SYNPO2: variants seen among roughly 807,000 people sequenced by gnomAD.
The protein encoded by SYNPO2 is synaptopodin 2, also known as synaptopodin-2.
A neutral mutation model predicts 85.0 loss-of-function variants in SYNPO2; 56 were observed. That is an observed-to-expected ratio of 0.66 (90% CI 0.53 to 0.82). The LOEUF is 0.82. Among genes scored for constraint, SYNPO2 ranks in the 40% least tolerant of loss-of-function variants. The pLI, the probability that SYNPO2 is intolerant of heterozygous loss-of-function variation, is 0.00. For synonymous variants in SYNPO2, 602 were observed against 591.1 expected (o/e 1.02, Z -0.27); for missense variants, 1,575 against 1,534.2 (o/e 1.03, Z -0.44).
At chr4:119,013,139 A>C (rs1360974538) in intron 1 of SYNPO2, among the ~76,000 whole-genome samples, 2 of 152,286 alleles carry the variant, frequency 1.3e-5, no homozygotes, top group African/African-American at 4.8e-5. Context: ...GGATAGTGCA[A>C]AAACAATGGT....
chr4:119,023,666 T>C, intron 2 of SYNPO2, 85 bp downstream of exon 2: 1 of 1,393,978 alleles, frequency 7.2e-7, no homozygotes, highest in Non-Finnish European at 9.5e-7. Context: ...TAACTTGTCA[T>C]TTATGGAGAA....
Position 118,934,734 on chromosome 4 carries a change from C to A in SYNPO2, c.105+45593C>A, listed in dbSNP as rs114464892. On this transcript the variant is annotated intron_variant, in intron 1 of 4. Coordinates refer to ENST00000307142, the MANE Select transcript of SYNPO2 (RefSeq NM_133477.3). ...GAATCTTCAGCCAAATGCTTACTGA[C>A]TGATCAAACTTTATAAAACATTAAG... is the stretch of plus-strand genomic sequence containing the variant. Among the ~76,000 whole-genome samples, 832 of 152,310 alleles carry A rather than the reference C, an allele frequency of 5.5e-3. 3 individuals carry two copies. The highest frequency in any genetic ancestry group is 0.019 in the African/African-American group (797 of 41,552).
At chr4:119,052,552 CT>C (rs1335660306) in intron 4 of SYNPO2, among the ~76,000 whole-genome samples, 1 of 152,256 alleles carries the variant, frequency 6.6e-6, no homozygotes, top group East Asian at 1.9e-4. Context: ...TATTCTACTC[CT>C]TTTTTTCCTC....
intron 1 of SYNPO2, among the ~76,000 whole-genome samples, chr4:118,880,094 C>A (rs751353934): frequency 3.7e-4 from 56 of 152,276 alleles, no homozygotes; most frequent in Middle Eastern, 3.4e-3. Flanking sequence ...CTGTTACCAC[C>A]TTCTTTTCCT....
chr4:118,916,732 T>TTA (rs1560860823), intron 1 of SYNPO2, among the ~76,000 whole-genome samples: 1 of 144,108 alleles, frequency 6.9e-6, no homozygotes, highest in Non-Finnish European at 1.5e-5. Flanking sequence ...TTTCTTTCTT[T>TTA]TTTTTTTTTT....
At chr4:118,891,872 C>T (rs1039995902) in intron 1 of SYNPO2, among the ~76,000 whole-genome samples, 2 of 152,120 alleles carry the variant, frequency 1.3e-5, no homozygotes, top group Non-Finnish European at 2.9e-5. Flanking sequence ...TCGGCGAGTG[C>T]TTGAACCATG....
At chr4:119,022,724 A>AATTGT (rs368633918) in intron 1 of SYNPO2, among the ~76,000 whole-genome samples, 94,181 of 142,082 alleles carry the variant, frequency 0.66, 31,389 homozygotes, top group Middle Eastern at 0.7. Context: ...ATTTTATTTT[A>AATTGT]ATTTTATTTT....
Position 119,030,628 on chromosome 4 carries a change from C to A in SYNPO2, c.1853C>A (p.Ala618Glu). ...ACGAGTCCCATTGCTGACTTTCCTGCACCTCCACCTTACTCTGCAGTCACT... is the reference window on the plus strand; with the variant it reads ...ACGAGTCCCATTGCTGACTTTCCTGAACCTCCACCTTACTCTGCAGTCACT... Reference protein sequence around the residue: ...NMTSPIADFPAPPPYSAVTPP... With the variant: ...NMTSPIADFPEPPPYSAVTPP... The change falls in exon 4 of 5, where the codon GCA becomes GAA. Residue 618 changes from alanine (A) to glutamate (E), a missense_variant. Physicochemically the swap from Ala to Glu is moderately radical, Grantham distance 107. This residue lies in a region of SYNPO2 where 1,508 missense variants were observed against 1,446.8 expected (regional missense o/e 1.04). Coordinates refer to ENST00000307142, the MANE Select transcript of SYNPO2 (RefSeq NM_133477.3). The A allele has an allele frequency of 6.2e-7, 1 of 1,614,148 alleles. No homozygotes were observed. Among genetic ancestry groups the A allele is most frequent in the South Asian group, 1.1e-5 (1 of 91,086 alleles).
intron 1 of SYNPO2, among the ~76,000 whole-genome samples, chr4:118,971,078 G>A (rs1019591673): frequency 6.6e-6 from 1 of 152,146 alleles, no homozygotes; most frequent in Non-Finnish European, 1.5e-5. Context: ...GAAAGGTCCC[G>A]TGAGCACCTT....
intron 4 of SYNPO2, chr4:119,034,141 G>T: frequency 1.0e-6 from 1 of 985,424 alleles, no homozygotes; most frequent in Non-Finnish European, 1.2e-6. Context: ...AAGGAAATCT[G>T]TTGAATGCTT....
chr4:118,912,265 C>A (rs1364127781), intron 1 of SYNPO2, among the ~76,000 whole-genome samples: 1 of 152,204 alleles, frequency 6.6e-6, no homozygotes, highest in Non-Finnish European at 1.5e-5. Context: ...CACTGCACCT[C>A]AACTTCCTGG....
At chr4:119,006,902 A>G (rs1157113487) in intron 1 of SYNPO2, among the ~76,000 whole-genome samples, 1 of 151,872 alleles carries the variant, frequency 6.6e-6, no homozygotes, top group Admixed American at 6.6e-5. Context: ...TGCTTGTAAC[A>G]ATTTTTGTGA....
In SYNPO2 at chr4:118,973,814, A is replaced by G. The variant is rs150531088; in HGVS notation, c.106-49616A>G. On this transcript the variant is annotated intron_variant, in intron 1 of 4. Transcript: ENST00000307142. ...GCCTAGTTTGGTCCTGAAGTTACATAAAAGCTATATAGGCTACACCAATCA... is the reference window on the plus strand; with the variant it reads ...GCCTAGTTTGGTCCTGAAGTTACATGAAAGCTATATAGGCTACACCAATCA... 2.4e-4 allele frequency among the ~76,000 whole-genome samples: 36 copies of G among 152,346 alleles called. No individual in the cohort carries two copies. The East Asian group carries it at 6.0e-3, about 25-fold the overall frequency.
chr4:118,963,878 C>T (rs577936144), intron 1 of SYNPO2, among the ~76,000 whole-genome samples: 1 of 152,248 alleles, frequency 6.6e-6, no homozygotes, highest in Admixed American at 6.5e-5. Context: ...TCTAGGCAAA[C>T]TCATAGTAGC....
rs1578661981 is a variant in SYNPO2, at chr4:119,031,397, G to T, written c.2622G>T (p.Gln874His). 5 of 1,614,152 alleles carry T rather than the reference G, an allele frequency of 3.1e-6. No homozygotes were observed. The highest frequency in any genetic ancestry group is 4.2e-6 in the Non-Finnish European group (5 of 1,180,026). ...ELPGMSGRGAQLFAKRQSRME... is the reference protein window; with the variant it reads ...ELPGMSGRGAHLFAKRQSRME... ...CAGGAATGAGTGGGAGAGGAGCTCA[G>T]CTCTTTGCTAAAAGGCAGTCGAGAA... The change falls in exon 4 of 5, where the codon CAG becomes CAT. Residue 874 changes from glutamine (Q) to histidine (H), a missense_variant. Gln to His is a conservative substitution (Grantham distance 24, BLOSUM62 0). This residue lies in a region of SYNPO2 where 1,508 missense variants were observed against 1,446.8 expected (regional missense o/e 1.04). Transcript: ENST00000307142.
At chr4:118,892,976 G>C (rs1051367309) in intron 1 of SYNPO2, among the ~76,000 whole-genome samples, 1 of 152,072 alleles carries the variant, frequency 6.6e-6, no homozygotes, top group Admixed American at 6.5e-5. Context: ...CATCAGTAAG[G>C]TTTTTAAAAT....
At chr4:118,929,830 C>T (rs781593012) in intron 1 of SYNPO2, among the ~76,000 whole-genome samples, 7 of 152,058 alleles carry the variant, frequency 4.6e-5, no homozygotes, top group Non-Finnish European at 8.8e-5. Context: ...ACGGATTTAT[C>T]GTGGATGCAT....
chr4:119,038,626 ATAACT>A lies in SYNPO2; in HGVS notation c.3252+6603_3252+6607del, dbSNP rs200376477. ...AGCATGGCTTGCTACTAAACCAATAATAACTTAAGGCATTTCAACAAGAATAATTC... is the reference window on the plus strand; with the variant it reads ...AGCATGGCTTGCTACTAAACCAATAATAAGGCATTTCAACAAGAATAATTC... On this transcript the variant is annotated intron_variant, in intron 4 of 4. Coordinates refer to ENST00000307142, the MANE Select transcript of SYNPO2 (RefSeq NM_133477.3). 1.3e-3 allele frequency: 1,175 copies of A among 903,792 alleles called. 18 individuals carry two copies. The Admixed American group carries it at 0.044, about 34-fold the overall frequency. 56.0% of individuals were successfully genotyped at this position (903,792 alleles called of 1,614,324 possible). A position where few individuals can be genotyped will look rare whatever the true frequency, so the allele number is the denominator to read the frequency against.
At chr4:118,881,117 A>G (rs1395556156) in intron 1 of SYNPO2, among the ~76,000 whole-genome samples, 1 of 152,028 alleles carries the variant, frequency 6.6e-6, no homozygotes, top group Non-Finnish European at 1.5e-5. Context: ...CCTGGCTAAC[A>G]CGGTGAAACC....
Sources: allele counts gnomAD v4.1 joint callset (sites outside exome capture counted in the v4.1 genomes callset), GRCh38; gene constraint gnomAD v4.1.1; regional missense constraint gnomAD v4.1.1; transcripts MANE v1.5; gene names NCBI Gene and HGNC (gene_info 2026-07-23, HGNC 2026-07-21).